Variants in ELMO1 observed in about 807,000 individuals in gnomAD.
ELMO1 encodes the protein engulfment and cell motility protein 1.
ELMO1 carries 26 observed loss-of-function variants against 98.9 expected under a neutral mutation model. The ratio of observed to expected loss-of-function variants is 0.26; its 90% confidence interval spans 0.19 to 0.36. The LOEUF (loss-of-function observed/expected upper bound fraction) is 0.36. Ranked by LOEUF, ELMO1 falls within the 10% of genes least tolerant of loss-of-function variation. The pLI is 1.00. For synonymous variants in ELMO1, 346 were observed against 346.0 expected (o/e 1.00, Z 0.00); for missense variants, 627 against 935.2 (o/e 0.67, Z 4.30).
intron 6 of ELMO1, among the ~76,000 whole-genome samples, chr7:37,245,908 G>A (rs950927614): frequency 1.3e-5 from 2 of 152,174 alleles, no homozygotes; most frequent in African/African-American, 4.8e-5. Context: ...TAATAATAGT[G>A]ATAGATTAAA....
At chr7:37,413,807 A>AGCG (rs2131506214) in intron 1 of ELMO1, among the ~76,000 whole-genome samples, 1 of 152,206 alleles carries the variant, frequency 6.6e-6, no homozygotes, top group Non-Finnish European at 1.5e-5. Flanking sequence ...CCGCCCAAAT[A>AGCG]GCGGGGATTA....
rs548138721 is a variant in ELMO1, at chr7:37,091,729, A to G, written c.1300+4890T>C. ...CCCAAGACTGGGTAATTTATAAAGA[A>G]AAAGAGGTTTAATGGACTCACAGCA... On this transcript the variant is annotated intron_variant, in intron 15 of 21. Transcript: ENST00000310758. Among the ~76,000 whole-genome samples the G allele has an allele frequency of 3.2e-4, 48 of 152,272 alleles. No homozygotes were observed. In the East Asian group the frequency reaches 8.3e-3, roughly 26 times the overall value.
Position 37,161,913 on chromosome 7 carries a change from T to TATATATATATATATATAC in ELMO1, c.1087-28680_1087-28679insGTATATATATATATATAT, listed in dbSNP as rs1310782472. 2.4e-5 allele frequency among the ~76,000 whole-genome samples: 2 copies of TATATATATATATATATAC among 82,522 alleles called. 1 individual carries two copies. Among genetic ancestry groups the TATATATATATATATATAC allele is most frequent in the South Asian group, 9.3e-4 (2 of 2,162 alleles). The allele number at this position is 82,522 out of a possible 152,430, so 54.1% of individuals were successfully genotyped here. ...AAGCCTTCAGGTAATCAAATATATA[T>TATATATATATATATATAC]ATATATATATATATATATATATGTT... On this transcript the variant is annotated intron_variant, in intron 13 of 21. Coordinates refer to ENST00000310758, the MANE Select transcript of ELMO1 (RefSeq NM_014800.11).
chr7:37,381,713 A>G (rs1174253607), intron 1 of ELMO1, among the ~76,000 whole-genome samples: 1 of 152,218 alleles, frequency 6.6e-6, no homozygotes, highest in Non-Finnish European at 1.5e-5. Flanking sequence ...TCCAGTGTCC[A>G]CACCTCTTCC....
intron 13 of ELMO1, among the ~76,000 whole-genome samples, chr7:37,182,239 A>T (rs1285851641): frequency 6.6e-6 from 1 of 152,108 alleles, no homozygotes; most frequent in Non-Finnish European, 1.5e-5. Context: ...ATCCTCTCAG[A>T]GTTTGGTAAC....
intron 20 of ELMO1, among the ~76,000 whole-genome samples, chr7:36,867,116 G>T (rs1042857500): frequency 6.6e-6 from 1 of 152,118 alleles, no homozygotes; most frequent in African/African-American, 2.4e-5. Flanking sequence ...ACGGGCCAGT[G>T]AGTCCCAGGA....
In ELMO1 at chr7:37,304,212, G is replaced by A. The variant is rs142527043; in HGVS notation, c.192+10638C>T. 1.5e-3 allele frequency among the ~76,000 whole-genome samples: 229 copies of A among 152,286 alleles called. 1 individual carries two copies. The highest frequency in any genetic ancestry group is 5.4e-3 in the African/African-American group (223 of 41,568). Reference sequence around the variant, plus strand: ...CTTCAGAAAGTCTACTGCCAATTTAGTTTGAGTCACTATGAGCAAAGACAC... The same window carrying A: ...CTTCAGAAAGTCTACTGCCAATTTAATTTGAGTCACTATGAGCAAAGACAC... On this transcript the variant is annotated intron_variant, in intron 4 of 21. Transcript: ENST00000310758.
intron 11 of ELMO1, among the ~76,000 whole-genome samples, chr7:37,213,679 G>C (rs1421229087): frequency 6.6e-6 from 1 of 152,154 alleles, no homozygotes; most frequent in Non-Finnish European, 1.5e-5. Context: ...CTGTGGGCAG[G>C]AGGGAGTGGA....
intron 13 of ELMO1, among the ~76,000 whole-genome samples, chr7:37,165,571 C>T (rs570460449): frequency 6.6e-6 from 1 of 152,006 alleles, no homozygotes; most frequent in South Asian, 2.1e-4. Context: ...TGTCAAAGGC[C>T]TTTTCTGCAT....
chr7:36,859,095 G>A (rs987857295), intron 21 of ELMO1, among the ~76,000 whole-genome samples: 5 of 152,110 alleles, frequency 3.3e-5, no homozygotes, highest in Non-Finnish European at 7.4e-5. Flanking sequence ...TCATGATTGT[G>A]AGAGACAGAG....
intron 1 of ELMO1, among the ~76,000 whole-genome samples, chr7:37,395,655 A>AG (rs1171742871): frequency 6.6e-6 from 1 of 152,232 alleles, no homozygotes; most frequent in Non-Finnish European, 1.5e-5. Flanking sequence ...ATGAAAACCC[A>AG]GGGTTTGGTT....
At chr7:37,234,958 A>C (rs763919200) in intron 7 of ELMO1, among the ~76,000 whole-genome samples, 1 of 152,262 alleles carries the variant, frequency 6.6e-6, no homozygotes, top group African/African-American at 2.4e-5. Context: ...CAAACCATTC[A>C]GACCAGATAG....
chr7:36,946,097 T>G (rs1307033967), intron 16 of ELMO1, among the ~76,000 whole-genome samples: 1 of 152,378 alleles, frequency 6.6e-6, no homozygotes, highest in East Asian at 1.9e-4. Flanking sequence ...AGCTGACAGC[T>G]GTGCTTTTCT....
intron 15 of ELMO1, among the ~76,000 whole-genome samples, chr7:37,030,957 C>T (rs996025752): frequency 6.6e-6 from 1 of 152,176 alleles, no homozygotes; most frequent in Non-Finnish European, 1.5e-5. Context: ...ATTGACAAAA[C>T]ATAACTCCTA....
At position 37,377,355 on chromosome 7, in the gene ELMO1, C is replaced by T. The variant is rs575094849; in HGVS notation, c.-73-34592G>A. On this transcript the variant is annotated intron_variant, in intron 1 of 21. Coordinates refer to ENST00000310758, the MANE Select transcript of ELMO1 (RefSeq NM_014800.11). Reference sequence around the variant, plus strand: ...AGTGAAGGTGCCAGGCCATGTGTCTCGGGGTAGCCAAAGTGAAAAGTCACT... The same window carrying T: ...AGTGAAGGTGCCAGGCCATGTGTCTTGGGGTAGCCAAAGTGAAAAGTCACT... Among the ~76,000 whole-genome samples, 8 of 152,096 alleles carry T rather than the reference C, an allele frequency of 5.3e-5. No homozygotes were observed. The East Asian group carries it at 1.5e-3, about 29-fold the overall frequency.
intron 16 of ELMO1, among the ~76,000 whole-genome samples, chr7:36,918,531 A>G (rs1418923743): frequency 6.6e-6 from 1 of 152,124 alleles, no homozygotes; most frequent in Non-Finnish European, 1.5e-5. Context: ...ATCAGGCCCA[A>G]TCCACTCGTT....
chr7:37,034,617 A>G (rs1368276184), intron 15 of ELMO1, among the ~76,000 whole-genome samples: 4 of 152,176 alleles, frequency 2.6e-5, no homozygotes, highest in African/African-American at 9.7e-5. Context: ...TATGTATTAT[A>G]TATTGTATTA....
chr7:36,919,476 G>A (rs1244191617), intron 16 of ELMO1: 2 of 484,918 alleles, frequency 4.1e-6, no homozygotes, highest in South Asian at 1.5e-5. Flanking sequence ...ACAGAACTCT[G>A]GATTTGAAAC....
rs181019203 is a variant in ELMO1 at position 37,283,602 on chromosome 7, G to A, written c.193-11720C>T. On this transcript the variant is annotated intron_variant, in intron 4 of 21. Transcript: ENST00000310758. ...CAGTCCCCTTAAGCACAGCAGCTGA[G>A]GGGGGCCATCTTTGCATTTCAGACA... Among the ~76,000 whole-genome samples, 213 of 152,294 alleles carry A rather than the reference G, an allele frequency of 1.4e-3. 2 individuals are homozygous for A. Among genetic ancestry groups the A allele is most frequent in the African/African-American group, 5.0e-3 (207 of 41,564 alleles).
Sources: gnomAD v4.1 joint callset for allele counts (sites outside exome capture counted in the v4.1 genomes callset) on GRCh38, gnomAD v4.1.1 for gene constraint, MANE v1.5 for transcripts, NCBI Gene and HGNC (gene_info 2026-07-23, HGNC 2026-07-21) for gene names.